Variants in CDH12 observed in about 807,000 individuals in gnomAD.
The protein encoded by CDH12 is cadherin 12.
A neutral mutation model predicts 74.1 loss-of-function variants in CDH12; 41 were observed. The observed-to-expected ratio is 0.55, with a 90% CI of 0.43 to 0.72. The LOEUF (loss-of-function observed/expected upper bound fraction) is 0.72, where lower values mean the gene tolerates loss of function less well. Among genes scored for constraint, CDH12 ranks in the 30% least tolerant of loss-of-function variants. CDH12 has a pLI of 0.00. For synonymous variants in CDH12, 399 were observed against 355.0 expected (o/e 1.12, Z -1.39); for missense variants, 945 against 977.2 (o/e 0.97, Z 0.44).
intron 1 of CDH12, among the ~76,000 whole-genome samples, chr5:22,796,905 C>G (rs529179234): frequency 6.6e-6 from 1 of 152,052 alleles, no homozygotes; most frequent in Admixed American, 6.6e-5. Context: ...GGAGGAAAAG[C>G]AAGTTTCATA....
At chr5:22,069,105 A>T (rs187602951) in intron 5 of CDH12, among the ~76,000 whole-genome samples, 17 of 152,300 alleles carry the variant, frequency 1.1e-4, no homozygotes, top group Middle Eastern at 3.4e-3. Flanking sequence ...CTTCTGCCAA[A>T]CTACCATCTG....
chr5:21,985,591 G>T (rs2431919), intron 5 of CDH12, among the ~76,000 whole-genome samples: 5 of 151,908 alleles, frequency 3.3e-5, no homozygotes, highest in Non-Finnish European at 4.4e-5. Flanking sequence ...TACACACAGG[G>T]TTTACTCATT....
At chr5:22,263,281 T>A (rs1753589144) in intron 3 of CDH12, among the ~76,000 whole-genome samples, 1 of 152,068 alleles carries the variant, frequency 6.6e-6, no homozygotes. Flanking sequence ...TCAGAGCCTG[T>A]AAGGCAACTA....
At chr5:21,842,502 A>T (rs1749928465) in intron 7 of CDH12, among the ~76,000 whole-genome samples, 174 bp from the exon 8 acceptor site, 1 of 152,190 alleles carries the variant, frequency 6.6e-6, no homozygotes, top group Non-Finnish European at 1.5e-5. Context: ...GTTAGGACAT[A>T]ATTTAAAATA....
intron 1 of CDH12, among the ~76,000 whole-genome samples, chr5:22,637,099 G>C (rs1200791008): frequency 6.6e-6 from 1 of 152,112 alleles, no homozygotes; most frequent in African/African-American, 2.4e-5. Flanking sequence ...ACTCTGACAG[G>C]CAGAAATCAT....
At chr5:22,143,041 G>A (rs1312749317) in intron 4 of CDH12, 8 of 181,640 alleles carry the variant, frequency 4.4e-5, no homozygotes, top group East Asian at 2.8e-4. Flanking sequence ...AGAAAGTAGC[G>A]TTAAGATAGA....
intron 5 of CDH12, among the ~76,000 whole-genome samples, chr5:22,069,011 T>A (rs1741753971): frequency 6.6e-6 from 1 of 152,158 alleles, no homozygotes; most frequent in African/African-American, 2.4e-5. Flanking sequence ...TTACACTTGA[T>A]CACTTTCATC....
intron 3 of CDH12, among the ~76,000 whole-genome samples, chr5:22,232,475 C>T: frequency 6.6e-6 from 1 of 151,790 alleles, no homozygotes. Context: ...CTAATAACTG[C>T]ATAATTAACA....
chr5:21,914,048 G>C (rs1245280298), intron 6 of CDH12, among the ~76,000 whole-genome samples: 1 of 152,002 alleles, frequency 6.6e-6, no homozygotes, highest in Non-Finnish European at 1.5e-5. Flanking sequence ...TGCCAGAAAG[G>C]ACTACAAACT....
chr5:22,345,828 G>T (rs908158833), intron 3 of CDH12, among the ~76,000 whole-genome samples: 1 of 152,156 alleles, frequency 6.6e-6, no homozygotes, highest in African/African-American at 2.4e-5. Context: ...ATGGGTCCGG[G>T]CACAGTGGCT....
At chr5:21,907,913 T>C (rs1253303784) in intron 6 of CDH12, among the ~76,000 whole-genome samples, 1 of 152,182 alleles carries the variant, frequency 6.6e-6, no homozygotes, top group Admixed American at 6.6e-5. Context: ...TGTTCTGATA[T>C]TTGAGGGAGT....
intron 1 of CDH12, among the ~76,000 whole-genome samples, chr5:22,687,855 C>G (rs552351637): frequency 6.0e-4 from 92 of 152,198 alleles, no homozygotes; most frequent in Middle Eastern, 3.4e-3. Context: ...GATTTATTAA[C>G]AACTATGTAA....
intron 1 of CDH12, among the ~76,000 whole-genome samples, chr5:22,798,081 G>C (rs984319826): frequency 6.6e-6 from 1 of 152,026 alleles, no homozygotes; most frequent in Non-Finnish European, 1.5e-5. Flanking sequence ...CCTTATTTTG[G>C]CTGTAACTTA....
intron 3 of CDH12, among the ~76,000 whole-genome samples, chr5:22,260,764 G>A (rs1316553083): frequency 2.6e-5 from 4 of 151,932 alleles, no homozygotes; most frequent in Non-Finnish European, 5.9e-5. Context: ...TAACGCTTCA[G>A]ACAAGATTTA....
chr5:22,277,835 AAAC>A (rs761225962), intron 3 of CDH12, among the ~76,000 whole-genome samples: 3 of 152,168 alleles, frequency 2.0e-5, no homozygotes, highest in African/African-American at 4.8e-5. Context: ...ACTCTGTCTC[AAAC>A]AACAACAACA....
chr5:22,785,803 C>T (rs1183838338), intron 1 of CDH12, among the ~76,000 whole-genome samples: 6 of 152,216 alleles, frequency 3.9e-5, no homozygotes, highest in Non-Finnish European at 7.4e-5. Context: ...CAGTTGTATG[C>T]CACCATGCCC....
intron 6 of CDH12, among the ~76,000 whole-genome samples, chr5:21,936,638 T>C (rs1755085814): frequency 6.6e-6 from 1 of 152,204 alleles, no homozygotes; most frequent in Non-Finnish European, 1.5e-5. Flanking sequence ...CTTTGCGTTG[T>C]AAGGAAAATC....
intron 1 of CDH12, among the ~76,000 whole-genome samples, chr5:22,821,325 A>C (rs896022147): frequency 5.9e-5 from 9 of 152,194 alleles, no homozygotes; most frequent in African/African-American, 2.2e-4. Flanking sequence ...AAACCGGCAC[A>C]AGACAGGGAT....
At chr5:22,587,128 G>T (rs1211939236) in intron 1 of CDH12, among the ~76,000 whole-genome samples, 3 of 151,996 alleles carry the variant, frequency 2.0e-5, no homozygotes, top group Admixed American at 6.6e-5. Context: ...GAGCCATTGC[G>T]CACAGCCTAG....
Sources: allele counts gnomAD v4.1 joint callset (sites outside exome capture counted in the v4.1 genomes callset), GRCh38; gene constraint gnomAD v4.1.1; transcripts MANE v1.5; gene names NCBI Gene and HGNC (gene_info 2026-07-23, HGNC 2026-07-21).